ITPR2: variants seen among roughly 807,000 people sequenced by gnomAD.
ITPR2 encodes the protein inositol 1,4,5-trisphosphate-gated calcium channel ITPR2.
In ITPR2, 207 loss-of-function variants were observed where a neutral mutation model predicts 317.1. The observed-to-expected ratio is 0.65, with a 90% CI of 0.58 to 0.73. The LOEUF is 0.73. Among genes scored for constraint, ITPR2 ranks in the 30% least tolerant of loss-of-function variants. The pLI is 0.00. For synonymous variants in ITPR2, 1,156 were observed against 1,149.1 expected (o/e 1.01, Z -0.12); for missense variants, 2,613 against 3,284.0 (o/e 0.80, Z 4.99).
chr12:26,532,748 G>A (rs544306358), intron 37 of ITPR2, among the ~76,000 whole-genome samples: 2 of 152,166 alleles, frequency 1.3e-5, no homozygotes, highest in Admixed American at 6.5e-5. Context: ...GTACAGTGGC[G>A]CAATCTTGGC....
At chr12:26,713,474 G>T (rs772889119) in intron 8 of ITPR2, among the ~76,000 whole-genome samples, 1 of 152,074 alleles carries the variant, frequency 6.6e-6, no homozygotes, top group Non-Finnish European at 1.5e-5. Context: ...AATTCATTAC[G>T]GTGAGGGACG....
intron 2 of ITPR2, among the ~76,000 whole-genome samples, chr12:26,786,832 A>G (rs1950261733): frequency 6.6e-6 from 1 of 152,202 alleles, no homozygotes; most frequent in Non-Finnish European, 1.5e-5. Context: ...TGAGAATATC[A>G]TTTGTCTGGC....
At chr12:26,342,496 G>GA (rs1938156115) in intron 55 of ITPR2, among the ~76,000 whole-genome samples, 4 of 9,332 alleles carry the variant, frequency 4.3e-4, no homozygotes, top group African/African-American at 9.9e-4. Context: ...GGTCACGGCG[G>GA]TGGGGGGGGG....
At chr12:26,542,348 T>C (rs1011184172) in intron 37 of ITPR2, among the ~76,000 whole-genome samples, 13 of 152,232 alleles carry the variant, frequency 8.5e-5, no homozygotes, top group Admixed American at 6.5e-4. Flanking sequence ...TTATAAGTCC[T>C]ATAACCTGTT....
Position 26,436,291 on chromosome 12 carries a change from G to A in ITPR2, c.6699C>T (p.Ser2233=), listed in dbSNP as rs770458905. 6.8e-6 allele frequency: 11 copies of A among 1,613,352 alleles called. No individual in the cohort carries two copies. Among genetic ancestry groups the A allele is most frequent in the South Asian group, 2.2e-5 (2 of 90,958 alleles). The change falls in exon 48 of 57, where the codon TCC becomes TCT. Residue 2233 remains serine, a synonymous_variant. Coordinates refer to ENST00000381340, the MANE Select transcript of ITPR2 (RefSeq NM_002223.4). Reference sequence around the variant, plus strand: ...AATTGATGAACACAGCCAGGTTGAAGGAAATGCTCCCCCAGAGAGAGATGT... The same window carrying A: ...AATTGATGAACACAGCCAGGTTGAAAGAAATGCTCCCCCAGAGAGAGATGT... ...SRHISLWGSI[S]FNLAVFINLA...
intron 54 of ITPR2, among the ~76,000 whole-genome samples, chr12:26,389,626 A>C (rs1376549789): frequency 1.3e-5 from 2 of 152,042 alleles, no homozygotes; most frequent in African/African-American, 4.8e-5. Flanking sequence ...AAATCTCACC[A>C]TCTCAATGTG....
chr12:26,764,776 A>G (rs1186339849), intron 2 of ITPR2, among the ~76,000 whole-genome samples: 3 of 152,074 alleles, frequency 2.0e-5, no homozygotes, highest in African/African-American at 4.8e-5. Flanking sequence ...TATAGATGGC[A>G]AATAAACCAA....
intron 46 of ITPR2, among the ~76,000 whole-genome samples, chr12:26,441,923 AAT>A (rs1336775435): frequency 1.3e-5 from 2 of 152,074 alleles, no homozygotes; most frequent in Admixed American, 6.6e-5. Context: ...GTGTATTTAT[AAT>A]ATATATATAA....
Position 26,663,779 on chromosome 12 carries a change from T to C in ITPR2, c.1619A>G (p.Asp540Gly), listed in dbSNP as rs919454372. 2 of 1,614,062 alleles carry C rather than the reference T, an allele frequency of 1.2e-6. No homozygotes were observed. Among genetic ancestry groups the C allele is most frequent in the Non-Finnish European group, 1.7e-6 (2 of 1,179,986 alleles). ...AGEGSMLRLE[D>G]LGDQRYAPYK... ...GGGTGCATATCTTTGATCCCCCAGA[T>C]CTTCAAGTCTCAGCATCGAGCCTTC... Residue 540 changes from aspartate to glycine, a missense_variant, in exon 15 of 57, where the codon GAT becomes GGT. Coordinates refer to ENST00000381340, the MANE Select transcript of ITPR2 (RefSeq NM_002223.4).
At position 26,425,108 on chromosome 12, in the gene ITPR2, A is replaced by AT. The variant is rs1197144220; in HGVS notation, c.6945+2804dup. ...GAAGGTAGATGATATTCGCTAAAAT[A>AT]TTTTTTTTTATTTTTTGTAGAGATG... On this transcript the variant is annotated intron_variant, in intron 49 of 56. Coordinates refer to ENST00000381340, the MANE Select transcript of ITPR2 (RefSeq NM_002223.4). Among the ~76,000 whole-genome samples, 19 of 150,964 alleles carry AT rather than the reference A, an allele frequency of 1.3e-4. No individual in the cohort carries two copies. In the East Asian group the frequency reaches 1.4e-3, roughly 11 times the overall value.
At chr12:26,540,189 A>G (rs1031698271) in intron 37 of ITPR2, among the ~76,000 whole-genome samples, 4 of 152,220 alleles carry the variant, frequency 2.6e-5, no homozygotes, top group African/African-American at 4.8e-5. Flanking sequence ...AGGAGTTTCT[A>G]ACTTATTTAA....
At chr12:26,494,596 C>T (rs1381906300) in intron 38 of ITPR2, among the ~76,000 whole-genome samples, 2 of 151,336 alleles carry the variant, frequency 1.3e-5, no homozygotes, top group South Asian at 2.1e-4. Context: ...AGAGTGAAAC[C>T]CCAATTCTAC....
chr12:26,715,678 A>T, intron 7 of ITPR2, 74 bp downstream of exon 7: 1 of 975,618 alleles, frequency 1.0e-6, no homozygotes, highest in Non-Finnish European at 1.6e-6. Context: ...GTGAATACAT[A>T]GGTTTTGCAT....
intron 45 of ITPR2, among the ~76,000 whole-genome samples, chr12:26,473,644 T>C (rs1942346041): frequency 6.6e-6 from 1 of 152,242 alleles, no homozygotes; most frequent in Admixed American, 6.5e-5. Context: ...AGTAACTCCT[T>C]GACCCTGTAC....
chr12:26,497,896 T>C (rs1942981175), intron 37 of ITPR2, among the ~76,000 whole-genome samples: 1 of 151,764 alleles, frequency 6.6e-6, no homozygotes, highest in Admixed American at 6.6e-5. Context: ...GTTTGTTTTG[T>C]TTTGTTTTTT....
At chr12:26,687,634 A>G (rs998905498) in intron 10 of ITPR2, among the ~76,000 whole-genome samples, 3 of 152,178 alleles carry the variant, frequency 2.0e-5, no homozygotes, top group Non-Finnish European at 4.4e-5. Context: ...GAGATTGTTA[A>G]TATCATTTTA....
At chr12:26,752,076 T>C (rs1401903677) in intron 2 of ITPR2, among the ~76,000 whole-genome samples, 1 of 152,190 alleles carries the variant, frequency 6.6e-6, no homozygotes, top group Non-Finnish European at 1.5e-5. Flanking sequence ...AATTTTCACA[T>C]TAGACATCTA....
intron 37 of ITPR2, among the ~76,000 whole-genome samples, chr12:26,496,627 CT>C (rs1157477469): frequency 1.1e-4 from 17 of 152,142 alleles, no homozygotes. Context: ...AATATTCCTT[CT>C]CTTTCAAATG....
At chr12:26,612,891 A>G (rs1946301266) in intron 26 of ITPR2, among the ~76,000 whole-genome samples, 1 of 152,236 alleles carries the variant, frequency 6.6e-6, no homozygotes, top group Admixed American at 6.5e-5. Context: ...TCTTGAATAC[A>G]TGCTAACTCC....
Sources: allele counts gnomAD v4.1 joint callset (sites outside exome capture counted in the v4.1 genomes callset), GRCh38; gene constraint gnomAD v4.1.1; transcripts MANE v1.5; gene names NCBI Gene and HGNC (gene_info 2026-07-23, HGNC 2026-07-21).